The following ATE1 variants were observed in gnomAD, a reference collection of about 807,000 sequenced individuals.
The protein encoded by ATE1 is arginyl-tRNA--protein transferase 1.
In ATE1, 36 loss-of-function variants were observed where a neutral mutation model predicts 70.5. That is an observed-to-expected ratio of 0.51 (90% CI 0.39 to 0.67). ATE1 has a LOEUF of 0.67. ATE1 is among the 30% of genes least tolerant of loss of function. The pLI is 0.00. For synonymous variants in ATE1, 232 were observed against 219.3 expected, an observed-to-expected ratio of 1.06 and a Z score of -0.51; for missense variants, 593 against 629.5, an observed-to-expected ratio of 0.94 and a Z score of 0.62.
At chr10:121,878,442 A>T (rs1950126855) in intron 7 of ATE1, among the ~76,000 whole-genome samples, 1 of 151,878 alleles carries the variant, frequency 6.6e-6, no homozygotes, top group South Asian at 2.1e-4. Flanking sequence ...AAAATACAAA[A>T]ATTAGCCGGC....
At chr10:121,763,691 T>G (rs1945152589) in intron 11 of ATE1, among the ~76,000 whole-genome samples, 1 of 152,142 alleles carries the variant, frequency 6.6e-6, no homozygotes, top group African/African-American at 2.4e-5. Context: ...CATTAGACAC[T>G]TGTCAAAACC....
chr10:121,753,272 TCTTC>T (rs1944662076), intron 11 of ATE1, among the ~76,000 whole-genome samples: 1 of 152,226 alleles, frequency 6.6e-6, no homozygotes, highest in Non-Finnish European at 1.5e-5. Context: ...CAGTGTTTCT[TCTTC>T]CTTTCCAATC....
chr10:121,773,500 A>T (rs2135896994), intron 11 of ATE1, among the ~76,000 whole-genome samples: 1 of 152,310 alleles, frequency 6.6e-6, no homozygotes, highest in South Asian at 2.1e-4. Flanking sequence ...ACAGAAACTG[A>T]GTCCCTGTCT....
chr10:121,928,190 A>T, upstream of ATE1: 47 of 1,293,168 alleles, frequency 3.6e-5, no homozygotes, highest in Non-Finnish European at 4.6e-5. Context: ...GTCGTCAGTG[A>T]GGGTGAGGCG....
At chr10:121,868,725 T>C (rs939961941) in intron 8 of ATE1, among the ~76,000 whole-genome samples, 2 of 152,126 alleles carry the variant, frequency 1.3e-5, no homozygotes, top group Admixed American at 1.3e-4. Context: ...GCCTAGACTC[T>C]TTCCACTATA....
chr10:121,868,372 T>G (rs1315980964), intron 8 of ATE1, among the ~76,000 whole-genome samples: 1 of 152,222 alleles, frequency 6.6e-6, no homozygotes, highest in African/African-American at 2.4e-5. Context: ...TATATTTGTT[T>G]TCATGTACAA....
At chr10:121,864,645 T>G (rs920717015) in intron 8 of ATE1, among the ~76,000 whole-genome samples, 2 of 152,240 alleles carry the variant, frequency 1.3e-5, no homozygotes, top group Non-Finnish European at 2.9e-5. Flanking sequence ...TGCTATTTGT[T>G]CTATTTGTCC....
At chr10:121,866,680 T>TTACTAAAAA in intron 8 of ATE1, among the ~76,000 whole-genome samples, 1 of 151,826 alleles carries the variant, frequency 6.6e-6, no homozygotes, top group Middle Eastern at 3.4e-3. Context: ...AAACCTGTCT[T>TTACTAAAAA]TACTAAAAAT....
At chr10:121,897,743 T>G (rs1053827373) in intron 7 of ATE1, among the ~76,000 whole-genome samples, 4 of 151,686 alleles carry the variant, frequency 2.6e-5, no homozygotes, top group African/African-American at 7.3e-5. Context: ...GGAGAATCGC[T>G]TGAACCCGGG....
chr10:121,826,438 T>C (rs563064378), intron 10 of ATE1, among the ~76,000 whole-genome samples: 1 of 152,136 alleles, frequency 6.6e-6, no homozygotes, highest in African/African-American at 2.4e-5. Context: ...CCCAAGTAGC[T>C]GGAACTAGAG....
chr10:121,892,162 C>A (rs1950601085), intron 7 of ATE1, among the ~76,000 whole-genome samples: 1 of 152,050 alleles, frequency 6.6e-6, no homozygotes, highest in Non-Finnish European at 1.5e-5. Flanking sequence ...AGCAGTCAGC[C>A]CCACAGATAG....
In ATE1 at chr10:121,823,289, C is replaced by CA. The variant is rs1182981163; in HGVS notation, c.1257+13428dup. 2.4e-3 allele frequency among the ~76,000 whole-genome samples: 351 copies of CA among 148,592 alleles called. 1 individual carries two copies. Among genetic ancestry groups the CA allele is most frequent in the African/African-American group, 6.7e-3 (272 of 40,406 alleles). Reference sequence around the variant, plus strand: ...TGGGCGACAGAACAAGACTTCCTCTCAAAAAAAAACAAAAACAAAACAAAA... The same window carrying CA: ...TGGGCGACAGAACAAGACTTCCTCTCAAAAAAAAAACAAAAACAAAACAAAA... On this transcript the variant is annotated intron_variant, in intron 10 of 11. Transcript: ENST00000224652.
At chr10:121,765,478 G>A (rs1357187274) in intron 11 of ATE1, among the ~76,000 whole-genome samples, 1 of 152,118 alleles carries the variant, frequency 6.6e-6, no homozygotes, top group Non-Finnish European at 1.5e-5. Flanking sequence ...TGTGCGAGTG[G>A]GGCCTACAGA....
intron 10 of ATE1, among the ~76,000 whole-genome samples, chr10:121,811,951 CTTTTTTTTTTTT>C (rs71022870): frequency 6.7e-5 from 5 of 74,746 alleles, no homozygotes; most frequent in Admixed American, 1.8e-4. Flanking sequence ...ATTCCAAATT[CTTTTTTTTTTTT>C]TTTTTTTTTT....
intron 8 of ATE1, among the ~76,000 whole-genome samples, chr10:121,843,203 T>C (rs1225525030): frequency 6.6e-6 from 1 of 152,096 alleles, no homozygotes; most frequent in Non-Finnish European, 1.5e-5. Context: ...TGGAATACCA[T>C]TTGCAATACA....
chr10:121,922,430 T>A lies in ATE1; in HGVS notation c.171-19A>T. The A allele has an allele frequency of 6.7e-7, 1 of 1,494,138 alleles. No individual in the cohort carries two copies. Among genetic ancestry groups the A allele is most frequent in the Non-Finnish European group, 9.3e-7 (1 of 1,079,602 alleles). 92.6% of individuals were successfully genotyped at this position (1,494,138 alleles called of 1,614,324 possible). ...TCCACTTCTAAAATTATAAAAATAG[T>A]TTGTTAATGTCTTATATATTTTTCA... is the stretch of plus-strand genomic sequence containing the variant. On this transcript the variant is annotated intron_variant, in intron 2 of 11. Transcript: ENST00000224652.
intron 7 of ATE1, among the ~76,000 whole-genome samples, chr10:121,889,950 G>A (rs888124870): frequency 2.6e-5 from 4 of 152,120 alleles, no homozygotes; most frequent in Non-Finnish European, 5.9e-5. Context: ...CTTAGGAGAC[G>A]TATGCTTAGC....
intron 8 of ATE1, among the ~76,000 whole-genome samples, chr10:121,851,457 T>C (rs1162614105): frequency 1.3e-5 from 2 of 152,208 alleles, no homozygotes; most frequent in Admixed American, 1.3e-4. Flanking sequence ...TTTCAATGTC[T>C]GCATTTTTCA....
intron 10 of ATE1, among the ~76,000 whole-genome samples, chr10:121,815,310 G>A (rs890782787): frequency 3.3e-5 from 5 of 151,990 alleles, no homozygotes; most frequent in African/African-American, 4.8e-5. Flanking sequence ...TAATTTTTTT[G>A]TATTTTTAGT....
Sources: allele counts gnomAD v4.1 joint callset (sites outside exome capture counted in the v4.1 genomes callset), GRCh38; gene constraint gnomAD v4.1.1; transcripts MANE v1.5; gene names NCBI Gene and HGNC (gene_info 2026-07-23, HGNC 2026-07-21).